USP34: variants seen among roughly 807,000 people sequenced by gnomAD.
The protein encoded by USP34 is ubiquitin carboxyl-terminal hydrolase 34.
Under a neutral mutation model 460.3 loss-of-function variants are expected in USP34, and 70 were observed. That is an observed-to-expected ratio of 0.15 (90% CI 0.13 to 0.19). USP34 has a LOEUF of 0.19. Ranked by LOEUF, USP34 falls within the 10% of genes least tolerant of loss-of-function variation. The probability of loss-of-function intolerance (pLI) is 1.00; values close to 1 mark genes in which losing one functional copy is unlikely to be tolerated. For synonymous variants in USP34, 1,647 were observed against 1,405.3 expected (o/e 1.17, Z -3.85); for missense variants, 3,985 against 4,236.2 (o/e 0.94, Z 1.65).
At chr2:61,211,035 C>T (rs182826350) in intron 69 of USP34, among the ~76,000 whole-genome samples, 6 of 152,004 alleles carry the variant, frequency 3.9e-5, no homozygotes, top group Non-Finnish European at 7.4e-5. Flanking sequence ...TTAAGAAATC[C>T]GGCAAAGGCG....
chr2:61,311,406 C>T (rs997591364), intron 27 of USP34, 134 bp downstream of exon 27: 8 of 924,258 alleles, frequency 8.7e-6, no homozygotes, highest in Admixed American at 3.7e-5. Flanking sequence ...CAAACCAAGA[C>T]AGTTGCTATA....
At chr2:61,399,815 G>C (rs548046000) in intron 3 of USP34, among the ~76,000 whole-genome samples, 1 of 133,210 alleles carries the variant, frequency 7.5e-6, no homozygotes, top group Non-Finnish European at 1.6e-5. Flanking sequence ...AGAGGTTGCA[G>C]TGAGCCGAGA....
chr2:61,188,201 C>T lies in USP34; in HGVS notation c.10542G>A (p.Met3514Ile), dbSNP rs1383000077. Residue 3514 changes from methionine (M) to isoleucine (I), a missense_variant, in exon 80 of 80, where the codon ATG becomes ATA. By Grantham distance (10) the Met-to-Ile change is conservative. Transcript: ENST00000398571. ...GGGTATCTAAAATGTCATGTTGCTG[C>T]ATATGACTAAAGAGTCCTCTGGAAT... Reference protein sequence around the residue: ...CGHSRGLFSHMQQHDILDTLC... With the variant: ...CGHSRGLFSHIQQHDILDTLC... 2 of 1,614,182 alleles carry T rather than the reference C, an allele frequency of 1.2e-6. No individual in the cohort carries two copies.
At chr2:61,417,395 C>T (rs1573020629) in intron 2 of USP34, 2 of 499,934 alleles carry the variant, frequency 4.0e-6, no homozygotes, top group East Asian at 3.5e-5. Context: ...CGTAATCTTA[C>T]AGCCAAAGTT....
At chr2:61,349,644 T>C (rs971375115) in intron 12 of USP34, among the ~76,000 whole-genome samples, 2 of 152,026 alleles carry the variant, frequency 1.3e-5, no homozygotes, top group Non-Finnish European at 2.9e-5. Context: ...ATCGAGACCA[T>C]CCTGGCTAAC....
chr2:61,276,259 A>C (rs1321210629), intron 41 of USP34, among the ~76,000 whole-genome samples: 6 of 152,244 alleles, frequency 3.9e-5, no homozygotes, highest in Non-Finnish European at 7.3e-5. Flanking sequence ...ATTAAAATCA[A>C]CCTATTTTAC....
chr2:61,298,696 C>T (rs1690119849), intron 29 of USP34, among the ~76,000 whole-genome samples: 1 of 151,764 alleles, frequency 6.6e-6, no homozygotes, highest in African/African-American at 2.4e-5. Context: ...CTACTACATC[C>T]TCCACACAAA....
In USP34 at chr2:61,281,063, C is replaced by T. The variant is rs541603525; in HGVS notation, c.5151+27G>A. Reference sequence around the variant, plus strand: ...GCAAAGGAAATTTCAAAAATAGAAACTGCTTCTAAACACAGTAAAATCTTA... The same window carrying T: ...GCAAAGGAAATTTCAAAAATAGAAATTGCTTCTAAACACAGTAAAATCTTA... On this transcript the variant is annotated intron_variant, in intron 38 of 79. Coordinates refer to ENST00000398571, the MANE Select transcript of USP34 (RefSeq NM_014709.4). 67 of 1,593,362 alleles carry T rather than the reference C, an allele frequency of 4.2e-5. No homozygotes were observed. In the East Asian group the frequency reaches 1.4e-3, roughly 34 times the overall value.
intron 32 of USP34, among the ~76,000 whole-genome samples, chr2:61,294,362 T>C (rs200003746): frequency 1.3e-5 from 2 of 151,076 alleles, no homozygotes; most frequent in East Asian, 1.9e-4. Context: ...AAAAAATTTA[T>C]ACACACACAC....
chr2:61,319,471 T>C (rs1690847768), intron 21 of USP34, 144 bp from the exon 22 acceptor site: 2 of 447,394 alleles, frequency 4.5e-6, no homozygotes, highest in Admixed American at 4.3e-5. Flanking sequence ...TGATGCATAA[T>C]GAAACTAACT....
chr2:61,271,754 CAG>C (rs1449666207), intron 41 of USP34, among the ~76,000 whole-genome samples: 2 of 152,088 alleles, frequency 1.3e-5, no homozygotes, highest in African/African-American at 4.8e-5. Flanking sequence ...TTGCTGATGA[CAG>C]ATTATTATGC....
intron 1 of USP34, among the ~76,000 whole-genome samples, chr2:61,451,550 C>T (rs562858247): frequency 6.6e-6 from 1 of 151,960 alleles, no homozygotes; most frequent in African/African-American, 2.4e-5. Context: ...GGCATGGTGG[C>T]ACATGCCTGC....
chr2:61,330,509 G>A (rs1274455651), intron 20 of USP34, among the ~76,000 whole-genome samples: 3 of 152,148 alleles, frequency 2.0e-5, no homozygotes, highest in Non-Finnish European at 4.4e-5. Flanking sequence ...TGACTTTTCC[G>A]AACACTTCTA....
intron 2 of USP34, among the ~76,000 whole-genome samples, chr2:61,408,721 C>A (rs1043614334): frequency 6.6e-6 from 1 of 151,970 alleles, no homozygotes; most frequent in East Asian, 1.9e-4. Context: ...CATGGTGAAA[C>A]CTCTTCTCTA....
chr2:61,458,615 C>G (rs1156399575), intron 1 of USP34, among the ~76,000 whole-genome samples: 2 of 55,046 alleles, frequency 3.6e-5, no homozygotes, highest in Admixed American at 1.9e-4. Flanking sequence ...TGAAAGAAGG[C>G]AAAAAGGAAA....
Position 61,370,237 on chromosome 2 carries a change from A to T in USP34, c.1251+84T>A, listed in dbSNP as rs1363967581. 3 of 1,399,896 alleles carry T rather than the reference A, an allele frequency of 2.1e-6. No individual in the cohort carries two copies. The Admixed American group carries it at 6.0e-5, about 28-fold the overall frequency. 86.7% of individuals were successfully genotyped at this position (1,399,896 alleles called of 1,614,324 possible). On this transcript the variant is annotated intron_variant, in intron 10 of 79. Transcript: ENST00000398571. ...GTCTTGGTCTCCTTAGCTATAAAAC[A>T]GGATAATAGAATTTACCTCACAGAG...
At position 61,211,812 on chromosome 2, in the gene USP34, G is replaced by C. The variant is rs377417702; in HGVS notation, c.8800C>G (p.Arg2934Gly). Residue 2934 changes from arginine to glycine, a missense_variant, in exon 69 of 80, where the codon CGT becomes GGT. Arg to Gly is a moderately radical substitution (Grantham distance 125). Around this residue, in one of 14 missense-constraint regions of USP34, gnomAD observed 275 missense variants for 292.7 expected, o/e 0.94. Transcript: ENST00000398571. Reference protein sequence around the residue: ...FKKTTISCYLRCLDGRSCWTT... With the variant: ...FKKTTISCYLGCLDGRSCWTT... ...CAGCAGGAGCGGCCATCTAAGCAACGTAAGTAACAACTTATGGTTGTTTTC... is the reference window on the plus strand; with the variant it reads ...CAGCAGGAGCGGCCATCTAAGCAACCTAAGTAACAACTTATGGTTGTTTTC... The C allele has an allele frequency of 3.1e-6, 5 of 1,596,368 alleles. No individual in the cohort carries two copies. Among genetic ancestry groups the C allele is most frequent in the Non-Finnish European group, 3.4e-6 (4 of 1,174,502 alleles).
chr2:61,428,242 CAA>C (rs370891797), intron 1 of USP34, among the ~76,000 whole-genome samples: 16 of 95,274 alleles, frequency 1.7e-4, no homozygotes, highest in East Asian at 3.0e-4. Context: ...TAATGATTCT[CAA>C]AAAAAAAAAA....
At chr2:61,198,490 CCA>C (rs1686874760) in intron 75 of USP34, among the ~76,000 whole-genome samples, 1 of 152,004 alleles carries the variant, frequency 6.6e-6, no homozygotes, top group South Asian at 2.1e-4. Flanking sequence ...GACTAGTACT[CCA>C]TTATAAGATC....
Sources: allele counts gnomAD v4.1 joint callset (sites outside exome capture counted in the v4.1 genomes callset), GRCh38; gene constraint gnomAD v4.1.1; regional missense constraint gnomAD v4.1.1; transcripts MANE v1.5; gene names NCBI Gene and HGNC (gene_info 2026-07-23, HGNC 2026-07-21).